The following CYFIP2 variants were observed in gnomAD, a reference collection of about 807,000 sequenced individuals.
The protein encoded by CYFIP2 is cytoplasmic FMR1 interacting protein 2, also known as cytoplasmic FMR1-interacting protein 2.
Under a neutral mutation model 158.7 loss-of-function variants are expected in CYFIP2, and 29 were observed. The ratio of observed to expected loss-of-function variants is 0.18; its 90% confidence interval spans 0.14 to 0.25. The LOEUF (loss-of-function observed/expected upper bound fraction) is 0.25. Among genes scored for constraint, CYFIP2 ranks in the 10% least tolerant of loss-of-function variants. CYFIP2 has a pLI of 1.00. For synonymous variants in CYFIP2, 585 were observed against 617.6 expected, an observed-to-expected ratio of 0.95 and a Z score of 0.78; for missense variants, 852 against 1,639.5, an observed-to-expected ratio of 0.52 and a Z score of 8.29.
intron 1 of CYFIP2, among the ~76,000 whole-genome samples, chr5:157,268,799 T>G (rs1373185593): frequency 6.6e-6 from 1 of 152,208 alleles, no homozygotes; most frequent in Admixed American, 6.5e-5. Flanking sequence ...GGTCCTGTCA[T>G]TCTGAGGAGC....
chr5:157,362,570 G>C (rs1057161856), intron 26 of CYFIP2: 1 of 152,242 alleles, frequency 6.6e-6, no homozygotes, highest in African/African-American at 2.4e-5. Context: ...GGCGGGGGCG[G>C]TGCTGCAGGG....
chr5:157,369,150 G>A (rs561974774), intron 26 of CYFIP2, among the ~76,000 whole-genome samples: 2 of 152,206 alleles, frequency 1.3e-5, no homozygotes, highest in East Asian at 1.9e-4. Flanking sequence ...CACCTGCCTT[G>A]GCCTCCCAAA....
rs774515101 is a variant in CYFIP2, at chr5:157,361,155, T to C, written c.2909-313T>C. ...TACTAATAAATATTAATTCCTGTCA[T>C]GATTAGGAAGTCAGGCAACTTTGGA... On this transcript the variant is annotated intron_variant, in intron 25 of 30. Transcript: ENST00000620254. This position sits in a 1 kb window ranked among gnomAD's most constrained non-coding sequence, Gnocchi z 4.4. Among the ~76,000 whole-genome samples the C allele has an allele frequency of 9.9e-5, 15 of 152,158 alleles. No homozygotes were observed. The highest frequency in any genetic ancestry group is 1.5e-4 in the Non-Finnish European group (10 of 68,030).
At chr5:157,339,377 C>T in intron 22 of CYFIP2, 121 bp downstream of exon 22, 2 of 835,004 alleles carry the variant, frequency 2.4e-6, no homozygotes, top group Non-Finnish European at 1.9e-6. Context: ...CTCAGAGCCC[C>T]TCCTGGGCAC....
chr5:157,342,844 G>T (rs2113254991), intron 23 of CYFIP2: 2 of 1,595,686 alleles, frequency 1.3e-6, no homozygotes, highest in Non-Finnish European at 1.7e-6. Flanking sequence ...CATGATGCGG[G>T]CGCTCTCCTC....
In CYFIP2 at chr5:157,392,786, C is replaced by T. The variant is rs763864995; in HGVS notation, c.3595-47C>T. On this transcript the variant is annotated intron_variant, in intron 30 of 30. Transcript: ENST00000620254. Reference sequence around the variant, plus strand: ...CTTCTCCTGTTACTCCCTCTTTCCACCCCCACTTTGTCCTGCCCTAACTTG... The same window carrying T: ...CTTCTCCTGTTACTCCCTCTTTCCATCCCCACTTTGTCCTGCCCTAACTTG... 2.8e-5 allele frequency: 45 copies of T among 1,597,212 alleles called. 1 individual carries two copies. The Middle Eastern group carries it at 6.7e-4, about 24-fold the overall frequency.
intron 26 of CYFIP2, among the ~76,000 whole-genome samples, chr5:157,379,169 CATTT>C (rs1765787287): frequency 6.6e-6 from 1 of 152,110 alleles, no homozygotes; most frequent in Non-Finnish European, 1.5e-5. Flanking sequence ...GATTTTATCT[CATTT>C]ATCTCTCTCC....
chr5:157,304,795 G>T (rs1451109308), intron 8 of CYFIP2: 1 of 154,120 alleles, frequency 6.5e-6, no homozygotes, highest in Non-Finnish European at 1.4e-5. Context: ...TTTTGGGGAA[G>T]CAGGTGGCTT....
chr5:157,391,909 C>T (rs1242077371), intron 30 of CYFIP2, among the ~76,000 whole-genome samples: 2 of 152,194 alleles, frequency 1.3e-5, no homozygotes, highest in Non-Finnish European at 2.9e-5. Context: ...ACAAGAGTTC[C>T]AATTTCTCCA....
chr5:157,320,400 CAG>C (rs1222325936), intron 14 of CYFIP2, among the ~76,000 whole-genome samples: 5 of 152,176 alleles, frequency 3.3e-5, no homozygotes, highest in Non-Finnish European at 7.4e-5. Context: ...TCGATGGGCT[CAG>C]AGCTGAGTTC....
chr5:157,276,068 A>G (rs957029130), intron 1 of CYFIP2, among the ~76,000 whole-genome samples: 3 of 152,242 alleles, frequency 2.0e-5, no homozygotes, highest in South Asian at 2.1e-4. Context: ...TGGATTTTCT[A>G]TAACAAGACT....
intron 26 of CYFIP2, chr5:157,364,811 AAAG>A (rs949435532): frequency 1.3e-5 from 2 of 152,162 alleles, no homozygotes; most frequent in Admixed American, 1.3e-4. Context: ...CTTCTCAATG[AAAG>A]AAGACTACTA....
At chr5:157,279,799 C>A (rs375285105) in intron 1 of CYFIP2, among the ~76,000 whole-genome samples, 18 of 152,136 alleles carry the variant, frequency 1.2e-4, no homozygotes, top group Admixed American at 7.8e-4. Context: ...GTTCGTAGAC[C>A]GAATATAAAG....
In CYFIP2 at chr5:157,305,461, G is replaced by A. The variant is rs1759135865; in HGVS notation, c.795+1095G>A. Among the ~76,000 whole-genome samples, 4 of 152,300 alleles carry A rather than the reference G, an allele frequency of 2.6e-5. No homozygotes were observed. The South Asian group carries it at 8.3e-4, about 32-fold the overall frequency. On this transcript the variant is annotated intron_variant, in intron 8 of 30. Coordinates refer to ENST00000620254, the MANE Select transcript of CYFIP2 (RefSeq NM_001037333.3). ...TGGAAAATCTGGAATATACAGCAAA[G>A]CATAAAAAAATTTAAATCTCTCACA...
chr5:157,309,745 G>A lies in CYFIP2; in HGVS notation c.903G>A (p.Gln301=), dbSNP rs548311885. The part of the protein sequence containing the change: ...NLSKIDKFFK[Q]LQVVPLFGDM... ...AGCTGTGTTTGCTTCCTTTGCAGCA[G>A]CTGCAGGTGGTGCCCCTTTTCGGCG... Residue 301 remains glutamine (Q), a splice_region_variant and synonymous_variant, in exon 10 of 31, where the codon CAG becomes CAA. Coordinates refer to ENST00000620254, the MANE Select transcript of CYFIP2 (RefSeq NM_001037333.3). The A allele has an allele frequency of 2.5e-6, 4 of 1,602,346 alleles. No homozygotes were observed. In the Admixed American group the frequency reaches 6.9e-5, roughly 27 times the overall value.
At chr5:157,344,431 G>T (rs1316462529) in intron 23 of CYFIP2, among the ~76,000 whole-genome samples, 1 of 152,124 alleles carries the variant, frequency 6.6e-6, no homozygotes, top group African/African-American at 2.4e-5. Context: ...ACTTAGTGCC[G>T]CCTAACCACT....
intron 19 of CYFIP2, among the ~76,000 whole-genome samples, chr5:157,328,488 C>A (rs746759475): frequency 6.6e-6 from 1 of 152,224 alleles, no homozygotes; most frequent in Non-Finnish European, 1.5e-5. Context: ...ACTGCTTGTG[C>A]AAGGACCCTG....
chr5:157,273,532 C>A (rs13358879), intron 1 of CYFIP2, among the ~76,000 whole-genome samples: 85 of 152,258 alleles, frequency 5.6e-4, no homozygotes, highest in African/African-American at 1.9e-3. Flanking sequence ...GCTAGCTGGG[C>A]CTGCCCTGTA....
rs115962729 is a variant in CYFIP2, at chr5:157,314,558, G to A, written c.1230+95G>A. ...AGCACTCTCTTTTTAACAGATTTAC[G>A]GAGTTACAATTCACGTACCATACGA... is the stretch of plus-strand genomic sequence containing the variant. On this transcript the variant is annotated intron_variant, in intron 12 of 30. Coordinates refer to ENST00000620254, the MANE Select transcript of CYFIP2 (RefSeq NM_001037333.3). The A allele has an allele frequency of 3.6e-4, 533 of 1,480,234 alleles. 3 individuals carry two copies. In the African/African-American group the frequency reaches 6.4e-3, roughly 18 times the overall value. 91.7% of individuals were successfully genotyped at this position (1,480,234 alleles called of 1,614,324 possible).
Sources: allele counts gnomAD v4.1 joint callset (sites outside exome capture counted in the v4.1 genomes callset), GRCh38; gene constraint gnomAD v4.1.1; non-coding constraint Gnocchi (gnomAD v3.1); transcripts MANE v1.5; gene names NCBI Gene and HGNC (gene_info 2026-07-23, HGNC 2026-07-21).